The following RNF150 variants were observed in gnomAD, a reference collection of about 807,000 sequenced individuals.
The protein encoded by RNF150 is ring finger protein 150.
A neutral mutation model predicts 39.3 loss-of-function variants in RNF150; 24 were observed. The observed-to-expected ratio is 0.61, with a 90% CI of 0.44 to 0.86. The LOEUF is 0.86. RNF150 is among the 40% of genes least tolerant of loss of function. The pLI, the probability that RNF150 is intolerant of heterozygous loss-of-function variation, is 0.00. For synonymous variants in RNF150, 255 were observed against 227.3 expected (o/e 1.12, Z -1.10); for missense variants, 502 against 587.8 (o/e 0.85, Z 1.51).
At chr4:140,923,437 G>C (rs1391595785) in intron 5 of RNF150, among the ~76,000 whole-genome samples, 1 of 152,138 alleles carries the variant, frequency 6.6e-6, no homozygotes, top group Non-Finnish European at 1.5e-5. Flanking sequence ...TCTCACACCA[G>C]TTAGAATGGT....
rs1486140573 is a variant in RNF150, at chr4:141,024,711, C to T, written c.485-56838G>A. 1.1e-4 allele frequency among the ~76,000 whole-genome samples: 17 copies of T among 152,164 alleles called. 1 individual carries two copies. The highest frequency in any genetic ancestry group is 1.7e-4 in the African/African-American group (7 of 41,504). On this transcript the variant is annotated intron_variant, in intron 1 of 6. Coordinates refer to ENST00000515673, the MANE Select transcript of RNF150 (RefSeq NM_020724.2). ...AGCAAAGAATGGTGATCAGGGTTCC[C>T]GGTATGGGATAAAATAAGGATCATT...
At chr4:140,936,651 A>G (rs1048567163) in intron 4 of RNF150, among the ~76,000 whole-genome samples, 3 of 152,150 alleles carry the variant, frequency 2.0e-5, no homozygotes, top group Non-Finnish European at 4.4e-5. Context: ...TAATTAAAAA[A>G]GCATTATAAA....
intron 1 of RNF150, among the ~76,000 whole-genome samples, chr4:141,125,739 C>T (rs1213070867): frequency 1.3e-5 from 2 of 152,114 alleles, no homozygotes; most frequent in Non-Finnish European, 2.9e-5. Flanking sequence ...TAAGAAGCTC[C>T]AGGTTCTTTC....
intron 1 of RNF150, among the ~76,000 whole-genome samples, chr4:141,046,440 C>T (rs538694944): frequency 5.2e-4 from 79 of 152,272 alleles, no homozygotes; most frequent in African/African-American, 1.8e-3. Flanking sequence ...CACACAACCA[C>T]GAGTCTGGGA....
intron 1 of RNF150, among the ~76,000 whole-genome samples, chr4:141,017,638 C>T (rs1029099199): frequency 2.6e-5 from 4 of 152,124 alleles, no homozygotes; most frequent in African/African-American, 9.7e-5. Context: ...AGATCCTTTG[C>T]CCTCTATTTA....
At chr4:141,001,831 T>A (rs546171558) in intron 1 of RNF150, among the ~76,000 whole-genome samples, 46 of 152,276 alleles carry the variant, frequency 3.0e-4, no homozygotes, top group Non-Finnish European at 5.4e-4. Context: ...TAGTTCAAAA[T>A]TTTAAAAATG....
At chr4:140,900,459 TA>T (rs11362969) in intron 6 of RNF150, among the ~76,000 whole-genome samples, 87,464 of 151,606 alleles carry the variant, frequency 0.58, 25,905 homozygotes, top group East Asian at 0.89. Context: ...AGACTATAGC[TA>T]AGTAACTCAG....
At chr4:141,036,513 A>G (rs1161383254) in intron 1 of RNF150, among the ~76,000 whole-genome samples, 1 of 152,162 alleles carries the variant, frequency 6.6e-6, no homozygotes, top group Non-Finnish European at 1.5e-5. Context: ...CTGAAACTGT[A>G]TACTCACGGA....
chr4:141,198,425 C>T (rs1255351765), intron 1 of RNF150, among the ~76,000 whole-genome samples: 1 of 152,152 alleles, frequency 6.6e-6, no homozygotes, highest in Non-Finnish European at 1.5e-5. Flanking sequence ...TTCAGTTTGT[C>T]TAAAGTGTTT....
At chr4:141,018,576 C>T (rs1387755182) in intron 1 of RNF150, among the ~76,000 whole-genome samples, 2 of 152,092 alleles carry the variant, frequency 1.3e-5, no homozygotes, top group African/African-American at 2.4e-5. Flanking sequence ...GTCTTATAGG[C>T]CTTGCCTGTG....
chr4:140,888,489 T>C (rs1729653741), intron 6 of RNF150, among the ~76,000 whole-genome samples: 1 of 152,252 alleles, frequency 6.6e-6, no homozygotes, highest in South Asian at 2.1e-4. Flanking sequence ...TTCAGCTCTT[T>C]GTGTTTAGAA....
chr4:140,950,106 G>A (rs1342942895), intron 2 of RNF150, among the ~76,000 whole-genome samples: 3 of 152,192 alleles, frequency 2.0e-5, no homozygotes, highest in African/African-American at 4.8e-5. Flanking sequence ...GAGAAGGATA[G>A]GGTGGTGAGT....
chr4:140,945,533 TATAA>T (rs1358912813), intron 4 of RNF150, among the ~76,000 whole-genome samples: 6 of 147,834 alleles, frequency 4.1e-5, no homozygotes, highest in African/African-American at 1.5e-4. Context: ...TATATATACA[TATAA>T]ATACATATAT....
intron 1 of RNF150, among the ~76,000 whole-genome samples, chr4:141,117,979 G>A (rs1726482282): frequency 6.6e-6 from 1 of 152,200 alleles, no homozygotes; most frequent in African/African-American, 2.4e-5. Context: ...TCTCCCAAGA[G>A]AAGAGAAAAT....
At chr4:141,198,257 C>T (rs932081222) in intron 1 of RNF150, among the ~76,000 whole-genome samples, 11 of 152,106 alleles carry the variant, frequency 7.2e-5, no homozygotes, top group Non-Finnish European at 1.3e-4. Flanking sequence ...GAACTCCTGA[C>T]CTCAGGTGAT....
intron 6 of RNF150, among the ~76,000 whole-genome samples, chr4:140,907,989 T>G (rs1357885530): frequency 6.6e-6 from 1 of 152,242 alleles, no homozygotes; most frequent in Non-Finnish European, 1.5e-5. Context: ...TTCCTGGGTC[T>G]GTGGAGATGT....
intron 1 of RNF150, among the ~76,000 whole-genome samples, chr4:141,045,226 C>A (rs1295393652): frequency 6.6e-6 from 1 of 152,134 alleles, no homozygotes. Context: ...ATCAAAATAC[C>A]AGAAACACCT....
chr4:140,907,334 A>G (rs1730419349), intron 6 of RNF150, among the ~76,000 whole-genome samples: 1 of 152,232 alleles, frequency 6.6e-6, no homozygotes, highest in Admixed American at 6.5e-5. Context: ...ATTAAAAAAT[A>G]TGTACTTAAA....
chr4:141,127,236 AT>A (rs1333387510), intron 1 of RNF150, among the ~76,000 whole-genome samples: 1 of 152,180 alleles, frequency 6.6e-6, no homozygotes. Context: ...AAGGGTACCT[AT>A]TTCACAGTGT....
Sources: allele counts gnomAD v4.1 joint callset (sites outside exome capture counted in the v4.1 genomes callset), GRCh38; gene constraint gnomAD v4.1.1; transcripts MANE v1.5; gene names NCBI Gene and HGNC (gene_info 2026-07-23, HGNC 2026-07-21).